LHFPL6: variants seen among roughly 807,000 people sequenced by gnomAD.
LHFPL6 encodes the protein LHFPL tetraspan subfamily member 6, also known as LHFPL tetraspan subfamily member 6 protein.
LHFPL6 carries 9 observed loss-of-function variants against 20.6 expected under a neutral mutation model. That is an observed-to-expected ratio of 0.44 (90% confidence interval 0.26 to 0.76). LHFPL6 has a LOEUF of 0.76. LHFPL6 is among the 30% of genes least tolerant of loss of function. The probability of loss-of-function intolerance (pLI) is 0.20; values close to 1 mark genes in which losing one functional copy is unlikely to be tolerated. For synonymous variants in LHFPL6, 105 were observed against 98.7 expected (o/e 1.06, Z -0.38); for missense variants, 218 against 253.5 (o/e 0.86, Z 0.95).
chr13:39,400,782 C>CAAAAAAAAAAAA (rs34833321), intron 2 of LHFPL6, among the ~76,000 whole-genome samples: 3 of 53,494 alleles, frequency 5.6e-5, no homozygotes, highest in East Asian at 8.0e-4. Flanking sequence ...GACTCCGTCT[C>CAAAAAAAAAAAA]AAAAAAAAAA....
At chr13:39,574,862 A>G (rs1230996644) in intron 2 of LHFPL6, among the ~76,000 whole-genome samples, 3 of 152,268 alleles carry the variant, frequency 2.0e-5, no homozygotes, top group South Asian at 4.1e-4. Flanking sequence ...ACCCGAGGTC[A>G]GGAGTTGGAG....
chr13:39,431,772 T>G (rs646633), intron 2 of LHFPL6, among the ~76,000 whole-genome samples: 1 of 149,064 alleles, frequency 6.7e-6, no homozygotes, highest in African/African-American at 2.5e-5. Context: ...CAAACCTGTT[T>G]GTTCTATTTT....
At chr13:39,352,909 A>ATTTATATATATG (rs1566091631) in intron 3 of LHFPL6, among the ~76,000 whole-genome samples, 1 of 42,026 alleles carries the variant, frequency 2.4e-5, no homozygotes. Context: ...ATATATATAA[A>ATTTATATATATG]TGTATATATA....
chr13:39,477,044 C>T (rs958965021), intron 2 of LHFPL6, among the ~76,000 whole-genome samples: 1 of 152,192 alleles, frequency 6.6e-6, no homozygotes, highest in African/African-American at 2.4e-5. Flanking sequence ...TAAATTCAAA[C>T]TCACTGTCCT....
chr13:39,389,447 G>A (rs1870650119), intron 2 of LHFPL6, among the ~76,000 whole-genome samples: 1 of 152,178 alleles, frequency 6.6e-6, no homozygotes, highest in Non-Finnish European at 1.5e-5. Context: ...CTCAAATGGG[G>A]TCCTGAAATA....
intron 2 of LHFPL6, among the ~76,000 whole-genome samples, chr13:39,596,447 G>A (rs868515606): frequency 2.0e-5 from 3 of 152,182 alleles, no homozygotes; most frequent in South Asian, 2.1e-4. Context: ...CATGTTAGAC[G>A]TGCAAACTAT....
intron 2 of LHFPL6, among the ~76,000 whole-genome samples, chr13:39,479,007 T>C (rs184041241): frequency 2.7e-5 from 4 of 150,920 alleles, no homozygotes; most frequent in Admixed American, 2.6e-4. Flanking sequence ...CTTTATTATA[T>C]ATAATGAAGC....
chr13:39,594,072 T>G (rs1290159345), intron 2 of LHFPL6, among the ~76,000 whole-genome samples: 1 of 152,122 alleles, frequency 6.6e-6, no homozygotes, highest in Non-Finnish European at 1.5e-5. Flanking sequence ...ACTTCATGTC[T>G]AAAACACCAA....
intron 2 of LHFPL6, among the ~76,000 whole-genome samples, chr13:39,441,727 G>A (rs538374655): frequency 6.6e-6 from 1 of 151,504 alleles, no homozygotes; most frequent in East Asian, 1.9e-4. Flanking sequence ...TGTCTCAGCT[G>A]GTCTTGAACT....
chr13:39,529,045 C>T (rs985836828), intron 2 of LHFPL6, among the ~76,000 whole-genome samples: 2 of 152,086 alleles, frequency 1.3e-5, no homozygotes, highest in African/African-American at 2.4e-5. Context: ...AGAGATACCA[C>T]TGCCAAAAAA....
intron 2 of LHFPL6, among the ~76,000 whole-genome samples, chr13:39,486,871 A>T (rs1488941305): frequency 6.6e-6 from 1 of 152,248 alleles, no homozygotes; most frequent in African/African-American, 2.4e-5. Flanking sequence ...GTCTTTGCTT[A>T]TGAAAAATTA....
At chr13:39,577,010 T>C (rs774157769) in intron 2 of LHFPL6, among the ~76,000 whole-genome samples, 5 of 152,182 alleles carry the variant, frequency 3.3e-5, no homozygotes, top group Non-Finnish European at 5.9e-5. Context: ...CCCAATGTCC[T>C]AATCTGTTGA....
At position 39,450,449 on chromosome 13, in the gene LHFPL6, C is replaced by T. The variant is rs553276784; in HGVS notation, c.386-71923G>A. The stretch of plus-strand genomic sequence containing the variant: ...TTAATGAGTTATGAAAGTACTAATT[C>T]ATTTTAGAAAGCTATCCATTTAAAA... On this transcript the variant is annotated intron_variant, in intron 2 of 3. Coordinates refer to ENST00000379589, the MANE Select transcript of LHFPL6 (RefSeq NM_005780.3). Among the ~76,000 whole-genome samples, 75 of 152,240 alleles carry T rather than the reference C, an allele frequency of 4.9e-4. 1 individual carries two copies. The South Asian group carries it at 7.5e-3, about 15-fold the overall frequency.
intron 3 of LHFPL6, among the ~76,000 whole-genome samples, chr13:39,370,005 C>A (rs1006789662): frequency 2.6e-5 from 4 of 152,088 alleles, no homozygotes; most frequent in Non-Finnish European, 4.4e-5. Flanking sequence ...AAACGTGGAA[C>A]CTACTGGAAT....
chr13:39,538,549 G>A (rs1330200063), intron 2 of LHFPL6, among the ~76,000 whole-genome samples: 1 of 149,934 alleles, frequency 6.7e-6, no homozygotes, highest in Non-Finnish European at 1.5e-5. Context: ...CAAATGGCAT[G>A]GCCTTTTCAG....
intron 2 of LHFPL6, among the ~76,000 whole-genome samples, chr13:39,427,203 T>G (rs1871667347): frequency 6.6e-6 from 1 of 152,210 alleles, no homozygotes; most frequent in Non-Finnish European, 1.5e-5. Flanking sequence ...CCCTCTTGTT[T>G]CCTATACGGA....
chr13:39,429,616 A>G lies in LHFPL6; in HGVS notation c.386-51090T>C, dbSNP rs997474682. Reference sequence around the variant, plus strand: ...TACTGATATTGATTTTTCAATATCAATATATTGACCATTTATATTTAATGT... The same window carrying G: ...TACTGATATTGATTTTTCAATATCAGTATATTGACCATTTATATTTAATGT... On this transcript the variant is annotated intron_variant, in intron 2 of 3. Transcript: ENST00000379589. 5.9e-5 allele frequency among the ~76,000 whole-genome samples: 9 copies of G among 152,268 alleles called. No homozygotes were observed. The South Asian group carries it at 6.2e-4, about 11-fold the overall frequency.
intron 2 of LHFPL6, among the ~76,000 whole-genome samples, chr13:39,523,498 G>A (rs1870183608): frequency 6.6e-6 from 1 of 151,836 alleles, no homozygotes; most frequent in African/African-American, 2.4e-5. Flanking sequence ...GAACCCGTGG[G>A]GCGGAGCCTG....
At chr13:39,574,864 G>A (rs1872060560) in intron 2 of LHFPL6, among the ~76,000 whole-genome samples, 1 of 152,130 alleles carries the variant, frequency 6.6e-6, no homozygotes, top group Non-Finnish European at 1.5e-5. Flanking sequence ...CCGAGGTCAG[G>A]AGTTGGAGAC....
Sources: allele counts gnomAD v4.1 joint callset (sites outside exome capture counted in the v4.1 genomes callset), GRCh38; gene constraint gnomAD v4.1.1; transcripts MANE v1.5; gene names NCBI Gene and HGNC (gene_info 2026-07-23, HGNC 2026-07-21).